CNTNAP5: variants seen among roughly 807,000 people sequenced by gnomAD.
CNTNAP5 encodes contactin associated protein family member 5, also known as contactin-associated protein-like 5.
Under a neutral mutation model 150.2 loss-of-function variants are expected in CNTNAP5, and 72 were observed. That is an observed-to-expected ratio of 0.48 (90% CI 0.40 to 0.58). The LOEUF (loss-of-function observed/expected upper bound fraction) is 0.58, where lower values mean the gene tolerates loss of function less well. Ranked by LOEUF, CNTNAP5 falls within the 20% of genes least tolerant of loss-of-function variation. The pLI is 0.00. For missense variants in CNTNAP5, 1,636 were observed against 1,626.2 expected, an observed-to-expected ratio of 1.01 and a Z score of -0.10; for synonymous variants, 672 against 619.8, an observed-to-expected ratio of 1.08 and a Z score of -1.25.
intron 19 of CNTNAP5, among the ~76,000 whole-genome samples, chr2:124,848,540 A>G (rs1045021457): frequency 2.6e-5 from 4 of 152,136 alleles, no homozygotes; most frequent in Admixed American, 2.6e-4. Flanking sequence ...TGGATCATAT[A>G]GTAGTTCTCT....
chr2:124,175,548 T>C (rs1685044570), intron 1 of CNTNAP5, among the ~76,000 whole-genome samples: 2 of 152,072 alleles, frequency 1.3e-5, no homozygotes, highest in African/African-American at 4.8e-5. Context: ...ATCACCCGGG[T>C]AGTGAGCATA....
At chr2:124,338,244 TA>T (rs1352986684) in intron 3 of CNTNAP5, among the ~76,000 whole-genome samples, 2 of 152,180 alleles carry the variant, frequency 1.3e-5, no homozygotes, top group African/African-American at 4.8e-5. Context: ...TGAAGTTGCT[TA>T]TCAGCTTAAG....
In CNTNAP5 at chr2:124,286,082, G is replaced by T. The variant is rs184631087; in HGVS notation, c.381+43689G>T. Among the ~76,000 whole-genome samples, 505 of 152,126 alleles carry T rather than the reference G, an allele frequency of 3.3e-3. 3 individuals are homozygous for T. Among genetic ancestry groups the T allele is most frequent in the African/African-American group, 0.012 (485 of 41,512 alleles). On this transcript the variant is annotated intron_variant, in intron 3 of 23. Coordinates refer to ENST00000682447, the MANE Select transcript of CNTNAP5 (RefSeq NM_001367498.1). Reference sequence around the variant, plus strand: ...TTTTAAATAAATCACATTTTATTTTGATAACAGAACACTAAACTAGGTATT... The same window carrying T: ...TTTTAAATAAATCACATTTTATTTTTATAACAGAACACTAAACTAGGTATT...
intron 3 of CNTNAP5, among the ~76,000 whole-genome samples, chr2:124,347,499 C>T (rs1689768572): frequency 6.6e-6 from 1 of 152,130 alleles, no homozygotes; most frequent in Admixed American, 6.5e-5. Context: ...GCAGATTGAG[C>T]AGAAGAAAGC....
chr2:124,112,689 C>T (rs1683325509), intron 1 of CNTNAP5, among the ~76,000 whole-genome samples: 1 of 152,026 alleles, frequency 6.6e-6, no homozygotes, highest in Admixed American at 6.6e-5. Context: ...CACAAGCATT[C>T]AAAAGTCCCC....
intron 13 of CNTNAP5, among the ~76,000 whole-genome samples, chr2:124,697,936 A>G (rs2105086396): frequency 6.6e-6 from 1 of 152,270 alleles, no homozygotes; most frequent in East Asian, 1.9e-4. Flanking sequence ...ATTAGGATGT[A>G]ATGTGCACCA....
chr2:124,754,055 C>T (rs562599255), intron 14 of CNTNAP5, among the ~76,000 whole-genome samples: 1 of 152,062 alleles, frequency 6.6e-6, no homozygotes, highest in Non-Finnish European at 1.5e-5. Context: ...CTAGTGGTGT[C>T]GAATTTTGCT....
intron 10 of CNTNAP5, among the ~76,000 whole-genome samples, chr2:124,536,433 G>A (rs1020389086): frequency 6.6e-6 from 1 of 151,880 alleles, no homozygotes; most frequent in African/African-American, 2.4e-5. Flanking sequence ...TGTGGGTTGG[G>A]GGCCGGGGCA....
At chr2:124,121,418 A>T (rs921609469) in intron 1 of CNTNAP5, among the ~76,000 whole-genome samples, 1 of 152,042 alleles carries the variant, frequency 6.6e-6, no homozygotes, top group Non-Finnish European at 1.5e-5. Context: ...AATATTTTGG[A>T]GGCTTTCTCC....
chr2:124,139,586 AG>A, intron 1 of CNTNAP5, among the ~76,000 whole-genome samples: 1 of 152,256 alleles, frequency 6.6e-6, no homozygotes, highest in South Asian at 2.1e-4. Context: ...CACGTGAGGC[AG>A]GTGCCTGTTT....
chr2:124,495,601 C>A (rs371594582), intron 7 of CNTNAP5, among the ~76,000 whole-genome samples: 1 of 152,172 alleles, frequency 6.6e-6, no homozygotes, highest in African/African-American at 2.4e-5. Context: ...CCTTCCATTT[C>A]TAAAAATGTG....
At chr2:124,106,330 C>G (rs1049199158) in intron 1 of CNTNAP5, among the ~76,000 whole-genome samples, 6 of 152,182 alleles carry the variant, frequency 3.9e-5, no homozygotes, top group African/African-American at 1.2e-4. Context: ...CTGGAGCACC[C>G]TGGATAGATG....
intron 1 of CNTNAP5, among the ~76,000 whole-genome samples, chr2:124,085,633 G>A (rs1275337921): frequency 1.3e-5 from 2 of 152,112 alleles, no homozygotes; most frequent in African/African-American, 4.8e-5. Flanking sequence ...TCTAGTGCAT[G>A]CAGTTAGTCC....
intron 12 of CNTNAP5, among the ~76,000 whole-genome samples, chr2:124,639,232 G>A (rs1177890496): frequency 6.6e-6 from 1 of 152,210 alleles, no homozygotes; most frequent in Non-Finnish European, 1.5e-5. Flanking sequence ...CCATGTAAAT[G>A]CGACGAGCAC....
chr2:124,613,899 C>T (rs76412605), intron 12 of CNTNAP5, among the ~76,000 whole-genome samples: 1,537 of 152,260 alleles, frequency 0.01, 15 homozygotes, highest in Non-Finnish European at 0.017. Context: ...ACACTTTTGA[C>T]GGGGTGCCAT....
intron 19 of CNTNAP5, among the ~76,000 whole-genome samples, chr2:124,843,120 C>A (rs1284452522): frequency 2.0e-5 from 3 of 152,038 alleles, no homozygotes; most frequent in Non-Finnish European, 4.4e-5. Context: ...ATCATCATAG[C>A]TTAGCTCCCA....
At chr2:124,481,336 A>G (rs1693758859) in intron 7 of CNTNAP5, among the ~76,000 whole-genome samples, 1 of 152,248 alleles carries the variant, frequency 6.6e-6, no homozygotes, top group Admixed American at 6.5e-5. Context: ...GGATAAAAAC[A>G]TTCAAACTAT....
At chr2:124,323,522 A>G (rs1689147461) in intron 3 of CNTNAP5, among the ~76,000 whole-genome samples, 2 of 152,172 alleles carry the variant, frequency 1.3e-5, no homozygotes, top group Admixed American at 1.3e-4. Context: ...CATCTACAGG[A>G]GAGGACGACA....
At chr2:124,409,377 C>T (rs376305868) in intron 3 of CNTNAP5, among the ~76,000 whole-genome samples, 5 of 20,232 alleles carry the variant, frequency 2.5e-4, no homozygotes, top group East Asian at 1.0e-3. Context: ...ATACAGAGAA[C>T]GCCACAAAGA....
Sources: allele counts gnomAD v4.1 joint callset (sites outside exome capture counted in the v4.1 genomes callset), GRCh38; gene constraint gnomAD v4.1.1; transcripts MANE v1.5; gene names NCBI Gene and HGNC (gene_info 2026-07-23, HGNC 2026-07-21).